The following SEPTIN14 variants were observed in gnomAD, a reference collection of about 807,000 sequenced individuals.
SEPTIN14 encodes septin 14.
In SEPTIN14, 40 loss-of-function variants were observed where a neutral mutation model predicts 53.6. The observed-to-expected ratio is 0.75, with a 90% CI of 0.58 to 0.97. SEPTIN14 has a LOEUF of 0.97. Ranked by LOEUF, SEPTIN14 falls within the 50% of genes least tolerant of loss-of-function variation. SEPTIN14 has a pLI of 0.00. For missense variants in SEPTIN14, 471 were observed against 508.2 expected, an observed-to-expected ratio of 0.93 and a Z score of 0.70; for synonymous variants, 138 against 166.8, an observed-to-expected ratio of 0.83 and a Z score of 1.33.
At chr7:55,812,968 T>C (rs79455298) in intron 7 of SEPTIN14, among the ~76,000 whole-genome samples, 7 of 151,780 alleles carry the variant, frequency 4.6e-5, no homozygotes, top group African/African-American at 9.7e-5. Context: ...TTTTTTTTTT[T>C]AGATGGAGTC....
At chr7:55,798,573 A>G in intron 9 of SEPTIN14, 1 of 384,896 alleles carries the variant, frequency 2.6e-6, no homozygotes, top group Non-Finnish European at 5.1e-6. Flanking sequence ...TCTTCTGAGA[A>G]GGATGGACGC....
rs1420137338 is a variant in SEPTIN14 at position 55,801,149 on chromosome 7, AAAAC to A, written c.1119+4105_1119+4108del. Among the ~76,000 whole-genome samples the A allele has an allele frequency of 3.3e-5, 5 of 152,220 alleles. No individual in the cohort carries two copies. The South Asian group carries it at 8.3e-4, about 25-fold the overall frequency. On this transcript the variant is annotated intron_variant, in intron 9 of 9. Coordinates refer to ENST00000388975, the MANE Select transcript of SEPTIN14 (RefSeq NM_207366.3). The stretch of plus-strand genomic sequence containing the variant: ...AATTTCACACCTCAAAAGAAAAAGA[AAAAC>A]AAACCAAGCGCAAAGTCAGTAAAAG...
chr7:55,799,636 G>C (rs1335326496), intron 9 of SEPTIN14, among the ~76,000 whole-genome samples: 1 of 150,906 alleles, frequency 6.6e-6, no homozygotes, highest in Non-Finnish European at 1.5e-5. Flanking sequence ...GTCAAATGTT[G>C]TCATAAGAGA....
intron 2 of SEPTIN14, among the ~76,000 whole-genome samples, chr7:55,860,546 CA>C (rs1333474293): frequency 6.6e-5 from 10 of 151,914 alleles, no homozygotes; most frequent in Non-Finnish European, 1.3e-4. Context: ...GAAATGTTCC[CA>C]AAACATAGAA....
At chr7:55,812,942 C>T (rs139372428) in intron 7 of SEPTIN14, among the ~76,000 whole-genome samples, 1 of 150,590 alleles carries the variant, frequency 6.6e-6, no homozygotes, top group Non-Finnish European at 1.5e-5. Context: ...TGCTAGTGCC[C>T]ACGACAGGAG....
intron 6 of SEPTIN14, among the ~76,000 whole-genome samples, chr7:55,830,243 A>C (rs909295678): frequency 1.3e-5 from 2 of 148,900 alleles, no homozygotes; most frequent in African/African-American, 4.9e-5. Context: ...TGTAGGCTCA[A>C]TCTTTTCAGT....
rs556965567 is a variant in SEPTIN14 at position 55,811,438 on chromosome 7, G to A, written c.818-4180C>T. On this transcript the variant is annotated intron_variant, in intron 7 of 9. Coordinates refer to ENST00000388975, the MANE Select transcript of SEPTIN14 (RefSeq NM_207366.3). ...GTGTTGGGTGGAGGCTGCAGGGAGC[G>A]ATGGAGATGGGGAAGGAAGGCAAAC... 6.2e-4 allele frequency: 237 copies of A among 385,364 alleles called. No individual in the cohort carries two copies. In the Middle Eastern group the frequency reaches 7.8e-3, roughly 13 times the overall value. 23.9% of individuals were successfully genotyped at this position (385,364 alleles called of 1,614,324 possible).
chr7:55,821,519 C>A (rs543740373), intron 6 of SEPTIN14, among the ~76,000 whole-genome samples: 1 of 152,248 alleles, frequency 6.6e-6, no homozygotes, highest in East Asian at 1.9e-4. Flanking sequence ...AAAGAAAGAC[C>A]AAAGTTAGAG....
At chr7:55,846,884 T>C (rs1407487197) in intron 2 of SEPTIN14, among the ~76,000 whole-genome samples, 1 of 152,128 alleles carries the variant, frequency 6.6e-6, no homozygotes, top group Non-Finnish European at 1.5e-5. Context: ...AGGCTCTGTT[T>C]CTAAATTTTA....
chr7:55,845,193 A>C (rs975307109), intron 3 of SEPTIN14, among the ~76,000 whole-genome samples: 5 of 152,232 alleles, frequency 3.3e-5, no homozygotes, highest in Non-Finnish European at 7.3e-5. Flanking sequence ...ATAAAAAAGA[A>C]GGAGATCATG....
chr7:55,812,136 T>C (rs982906966), intron 7 of SEPTIN14, among the ~76,000 whole-genome samples: 1 of 152,198 alleles, frequency 6.6e-6, no homozygotes, highest in Non-Finnish European at 1.5e-5. Context: ...TACTTCCTTG[T>C]TTAGATTTAT....
intron 9 of SEPTIN14, among the ~76,000 whole-genome samples, chr7:55,801,994 G>C (rs1004785008): frequency 6.7e-6 from 1 of 149,518 alleles, no homozygotes; most frequent in African/African-American, 2.5e-5. Context: ...GGAGAGTATG[G>C]TTTCTTTTTT....
At chr7:55,855,048 GC>G (rs1187913018) in intron 2 of SEPTIN14, among the ~76,000 whole-genome samples, 1 of 139,772 alleles carries the variant, frequency 7.2e-6, no homozygotes, top group Non-Finnish European at 1.5e-5. Flanking sequence ...TCGCTCTTTC[GC>G]CCAGGCCGGA....
Position 55,844,538 on chromosome 7 carries a change from AT to A in SEPTIN14, c.355del (p.Ile119Ter), listed in dbSNP as rs1266714820. 3 of 1,497,198 alleles carry A rather than the reference AT, an allele frequency of 2.0e-6. No individual in the cohort carries two copies. Among genetic ancestry groups the A allele is most frequent in the African/African-American group, 2.8e-5 (2 of 72,526 alleles). The allele number at this position is 1,497,198 out of a possible 1,614,324, so 92.7% of individuals were successfully genotyped here. A position where few individuals can be genotyped will look rare whatever the true frequency, so the allele number is the denominator to read the frequency against. On this transcript the variant is annotated frameshift_variant, in exon 4 of 10. Transcript: ENST00000388975. LOFTEE classifies it high-confidence loss of function. ...AAACACTCACCTGGCTTCTTTGTCT[AT>A]TTGATCACCATACCCTACTGTCTCC... ...VVETVGYGDQ[I>X]DKEASYQPIV...
chr7:55,853,532 G>A (rs1041181866), intron 2 of SEPTIN14, among the ~76,000 whole-genome samples: 1 of 152,154 alleles, frequency 6.6e-6, no homozygotes, highest in African/African-American at 2.4e-5. Flanking sequence ...AGGCTAAGAA[G>A]GGTAGTGGGG....
chr7:55,824,742 T>A (rs1333710113), intron 6 of SEPTIN14, among the ~76,000 whole-genome samples: 2 of 151,908 alleles, frequency 1.3e-5, no homozygotes, highest in Admixed American at 1.3e-4. Flanking sequence ...TGAGCCAAGA[T>A]CACGCCACTG....
rs1444340581 is a variant in SEPTIN14 at position 55,795,284 on chromosome 7, T to G, written c.*629A>C. On this transcript the variant is annotated 3_prime_UTR_variant, in exon 10 of 10. Coordinates refer to ENST00000388975, the MANE Select transcript of SEPTIN14 (RefSeq NM_207366.3). ...TCACTACTGGATCCAAAAGCAGGACTATGGTAAATAAATTTCTCCACCTAA... is the reference window on the plus strand; with the variant it reads ...TCACTACTGGATCCAAAAGCAGGACGATGGTAAATAAATTTCTCCACCTAA... The G allele has an allele frequency of 6.6e-6, 1 of 152,446 alleles. No homozygotes were observed. The highest frequency in any genetic ancestry group is 1.5e-5 in the Non-Finnish European group (1 of 68,288). 9.4% of individuals were successfully genotyped at this position (152,446 alleles called of 1,614,324 possible). A position where few individuals can be genotyped will look rare whatever the true frequency, so the allele number is the denominator to read the frequency against.
intron 6 of SEPTIN14, among the ~76,000 whole-genome samples, chr7:55,832,351 A>G (rs948300397): frequency 1.3e-5 from 2 of 152,152 alleles, no homozygotes; most frequent in South Asian, 4.1e-4. Context: ...CAGCATAGAG[A>G]TTTCTCGAAG....
chr7:55,843,502 G>C (rs1023790184), intron 4 of SEPTIN14, among the ~76,000 whole-genome samples: 1 of 152,140 alleles, frequency 6.6e-6, no homozygotes, highest in Non-Finnish European at 1.5e-5. Context: ...ACCACAATGA[G>C]ATATCATCTT....
Sources: gnomAD v4.1 joint callset for allele counts (sites outside exome capture counted in the v4.1 genomes callset) on GRCh38, gnomAD v4.1.1 for gene constraint, MANE v1.5 for transcripts, NCBI Gene and HGNC (gene_info 2026-07-23, HGNC 2026-07-21) for gene names.